The following UTRN variants were observed in gnomAD, a reference collection of about 807,000 sequenced individuals.
The protein encoded by UTRN is utrophin.
Under a neutral mutation model 463.9 loss-of-function variants are expected in UTRN, and 283 were observed. The observed-to-expected ratio is 0.61, with a 90% CI of 0.55 to 0.67. The LOEUF (loss-of-function observed/expected upper bound fraction) is 0.67, where lower values mean the gene tolerates loss of function less well. Ranked by LOEUF, UTRN falls within the 30% of genes least tolerant of loss-of-function variation. The pLI is 0.00. For missense variants in UTRN, 3,922 were observed against 4,084.3 expected (o/e 0.96, Z 1.08); for synonymous variants, 1,442 against 1,431.5 (o/e 1.01, Z -0.17).
rs762173935 is a variant in UTRN at position 144,839,234 on chromosome 6, T to G, written c.10127T>G (p.Leu3376Arg). ...SPWASPQHSA[L>R]SYSLDPDASG... Reference sequence around the variant, plus strand: ...TGGGCTTCTCCTCAGCATTCTGCACTGAGCTACTCGCTTGATCCAGATGCC... The same window carrying G: ...TGGGCTTCTCCTCAGCATTCTGCACGGAGCTACTCGCTTGATCCAGATGCC... The change falls in exon 72 of 75, where the codon CTG (leucine) becomes CGG (arginine). Residue 3376 changes from leucine to arginine, a missense_variant. This residue lies in a region of UTRN where 1,309 missense variants were observed against 1,452.6 expected (regional missense o/e 0.90). Coordinates refer to ENST00000367545, the MANE Select transcript of UTRN (RefSeq NM_007124.3). 1.2e-6 allele frequency: 2 copies of G among 1,614,076 alleles called. No individual in the cohort carries two copies. The highest frequency in any genetic ancestry group is 2.2e-5 in the South Asian group (2 of 91,078).
chr6:144,443,773 A>T (rs1446048516), intron 13 of UTRN, among the ~76,000 whole-genome samples: 2 of 152,098 alleles, frequency 1.3e-5, no homozygotes, highest in Non-Finnish European at 2.9e-5. Flanking sequence ...TTATTGTCTC[A>T]TAAAAATTCT....
In UTRN at chr6:144,700,193, C is replaced by T; in HGVS notation, c.7759C>T (p.Pro2587Ser). 6.2e-7 allele frequency: 1 copy of T among 1,613,332 alleles called. No homozygotes were observed. Among genetic ancestry groups the T allele is most frequent in the Non-Finnish European group, 8.5e-7 (1 of 1,179,572 alleles). Residue 2587 changes from proline to serine, a missense_variant, in exon 53 of 75, where the codon CCT (proline) becomes TCT (serine). Pro to Ser is a moderately conservative substitution (Grantham distance 74). Coordinates refer to ENST00000367545, the MANE Select transcript of UTRN (RefSeq NM_007124.3). ...AGATGAAGAGCTTAAGAAACAAATG[C>T]CTATTGGAGGAGATGTTCCAGCCTT... ...MKDEELKKQM[P>S]IGGDVPALQL...
At position 144,445,568 on chromosome 6, in the gene UTRN, G is replaced by C. The variant is rs58148782; in HGVS notation, c.1614+1186G>C. On this transcript the variant is annotated intron_variant, in intron 14 of 74. Coordinates refer to ENST00000367545, the MANE Select transcript of UTRN (RefSeq NM_007124.3). Reference sequence around the variant, plus strand: ...ATTGTTAATGACTACTTCCCCCCCCGCCCTCAATCTGTGGTCAGATTTTTC... The same window carrying C: ...ATTGTTAATGACTACTTCCCCCCCCCCCCTCAATCTGTGGTCAGATTTTTC... Among the ~76,000 whole-genome samples the C allele has an allele frequency of 1.6e-3, 216 of 133,828 alleles. 4 individuals are homozygous for C. Among genetic ancestry groups the C allele is most frequent in the East Asian group, 8.5e-3 (34 of 4,004 alleles). 87.8% of individuals were successfully genotyped at this position (133,828 alleles called of 152,430 possible).
intron 51 of UTRN, among the ~76,000 whole-genome samples, chr6:144,607,321 T>C (rs184602973): frequency 6.6e-6 from 1 of 152,160 alleles, no homozygotes; most frequent in East Asian, 2.0e-4. Context: ...TTCTGCAAAT[T>C]ATGCTTTCCT....
At chr6:144,451,823 AT>A (rs1245733335) in intron 18 of UTRN, among the ~76,000 whole-genome samples, 1 of 152,196 alleles carries the variant, frequency 6.6e-6, no homozygotes, top group African/African-American at 2.4e-5. Context: ...ATGACTCTAT[AT>A]TAACATTATG....
At chr6:144,776,584 A>G (rs537275057) in intron 60 of UTRN, among the ~76,000 whole-genome samples, 5 of 152,254 alleles carry the variant, frequency 3.3e-5, no homozygotes, top group East Asian at 1.9e-4. Flanking sequence ...CCTGCTTACA[A>G]AAGATTCCTG....
chr6:144,567,389 G>C (rs1011890727), intron 50 of UTRN, among the ~76,000 whole-genome samples: 4 of 152,126 alleles, frequency 2.6e-5, no homozygotes, highest in Non-Finnish European at 5.9e-5. Context: ...CTTAGCTAAA[G>C]GGGAAATAGG....
intron 50 of UTRN, among the ~76,000 whole-genome samples, chr6:144,561,212 T>G (rs9497003): frequency 4.3e-4 from 6 of 13,998 alleles, no homozygotes; most frequent in East Asian, 2.6e-3. Flanking sequence ...ACATTATATA[T>G]ATATATATAT....
chr6:144,302,518 A>G (rs1484218842), intron 2 of UTRN, among the ~76,000 whole-genome samples: 1 of 152,044 alleles, frequency 6.6e-6, no homozygotes, highest in Non-Finnish European at 1.5e-5. Flanking sequence ...TCAAAAAAAA[A>G]GACTTGCTAT....
At chr6:144,647,727 C>T (rs1284527283) in intron 51 of UTRN, among the ~76,000 whole-genome samples, 3 of 152,236 alleles carry the variant, frequency 2.0e-5, no homozygotes, top group Non-Finnish European at 2.9e-5. Context: ...AGGGCTCCCC[C>T]TTCGTGGCCT....
At chr6:144,626,631 G>T (rs751154540) in intron 51 of UTRN, among the ~76,000 whole-genome samples, 15 of 152,194 alleles carry the variant, frequency 9.9e-5, no homozygotes, top group Non-Finnish European at 1.8e-4. Context: ...TAGCAAGTTT[G>T]TGTTGTGGCT....
chr6:144,459,280 G>A lies in UTRN; in HGVS notation c.2633G>A (p.Gly878Asp). The change falls in exon 21 of 75, where the codon GGC becomes GAC. Residue 878 changes from glycine (G) to aspartate (D), a missense_variant. By Grantham distance (94) the Gly-to-Asp change is moderately conservative. This residue lies in a region of UTRN where 2,349 missense variants were observed against 2,303.8 expected (regional missense o/e 1.02). Coordinates refer to ENST00000367545, the MANE Select transcript of UTRN (RefSeq NM_007124.3). ...TCTGCCCCAGATTTTGTCCAGCGGG[G>A]CTTCGATAGCTTTCTGGGCCGCTAC... ...QPSAPDFVQR[G>D]FDSFLGRYQA... 1.9e-6 allele frequency: 3 copies of A among 1,614,080 alleles called. No individual in the cohort carries two copies. The highest frequency in any genetic ancestry group is 2.5e-6 in the Non-Finnish European group (3 of 1,179,996).
intron 23 of UTRN, among the ~76,000 whole-genome samples, chr6:144,472,575 G>A (rs988419116): frequency 4.6e-5 from 7 of 152,064 alleles, no homozygotes; most frequent in African/African-American, 1.7e-4. Flanking sequence ...AAAAATTGAT[G>A]TAGTTTCCAG....
intron 3 of UTRN, among the ~76,000 whole-genome samples, chr6:144,407,707 C>A (rs1042948611): frequency 1.3e-5 from 2 of 152,164 alleles, no homozygotes; most frequent in African/African-American, 2.4e-5. Flanking sequence ...CTAAAACCAT[C>A]TTTTAATTTG....
At position 144,652,157 on chromosome 6, in the gene UTRN, C is replaced by T. The variant is rs549483034; in HGVS notation, c.7480-26249C>T. Among the ~76,000 whole-genome samples, 10 of 152,220 alleles carry T rather than the reference C, an allele frequency of 6.6e-5. 1 individual carries two copies. The South Asian group carries it at 2.1e-3, about 32-fold the overall frequency. ...TGAGATGACAAGACATTGCAAAGTC[C>T]CTTCTACTGTGGCTTAACTTATCCC... On this transcript the variant is annotated intron_variant, in intron 51 of 74. Coordinates refer to ENST00000367545, the MANE Select transcript of UTRN (RefSeq NM_007124.3).
At chr6:144,546,817 A>C (rs923087626) in intron 46 of UTRN, among the ~76,000 whole-genome samples, 1 of 133,064 alleles carries the variant, frequency 7.5e-6, no homozygotes, top group Non-Finnish European at 1.5e-5. Context: ...TCAAAGAAAA[A>C]ACAAACAAAC....
At chr6:144,705,130 G>C (rs1367123963) in intron 53 of UTRN, among the ~76,000 whole-genome samples, 1 of 152,174 alleles carries the variant, frequency 6.6e-6, no homozygotes, top group Admixed American at 6.5e-5. Context: ...GTGTGGCCAT[G>C]GGTTTTAGGG....
At chr6:144,589,479 C>G (rs1477790904) in intron 51 of UTRN, among the ~76,000 whole-genome samples, 2 of 152,084 alleles carry the variant, frequency 1.3e-5, no homozygotes, top group Non-Finnish European at 1.5e-5. Flanking sequence ...GTATGCGGTG[C>G]AGCTTGTGTT....
chr6:144,415,765 C>T lies in UTRN; in HGVS notation c.142-6113C>T, dbSNP rs574707535. Among the ~76,000 whole-genome samples, 679 of 152,210 alleles carry T rather than the reference C, an allele frequency of 4.5e-3. 2 individuals are homozygous for T. Among genetic ancestry groups the T allele is most frequent in the Non-Finnish European group, 7.8e-3 (529 of 68,014 alleles). ...AAAATTGGAATTATTCTGGCTCTTA[C>T]GTAGAAGCAAAGAGATCAGTTGGCT... On this transcript the variant is annotated intron_variant, in intron 3 of 74. Transcript: ENST00000367545.
Sources: gnomAD v4.1 joint callset for allele counts (sites outside exome capture counted in the v4.1 genomes callset) on GRCh38, gnomAD v4.1.1 for gene constraint, gnomAD v4.1.1 regional missense constraint, MANE v1.5 for transcripts, NCBI Gene and HGNC (gene_info 2026-07-23, HGNC 2026-07-21) for gene names.